Variants in AGBL1 observed in about 807,000 individuals in gnomAD.
AGBL1 encodes cytosolic carboxypeptidase 4.
Under a neutral mutation model 118.9 loss-of-function variants are expected in AGBL1, and 130 were observed. The observed-to-expected ratio is 1.09, with a 90% CI of 0.95 to 1.26. The LOEUF is 1.26. Ranked by LOEUF, AGBL1 falls within the 50% of genes most tolerant of loss-of-function variation. The probability of loss-of-function intolerance (pLI) is 0.00; values close to 1 mark genes in which losing one functional copy is unlikely to be tolerated. For synonymous variants in AGBL1, 555 were observed against 478.9 expected (o/e 1.16, Z -2.08); for missense variants, 1,584 against 1,298.1 (o/e 1.22, Z -3.38).
chr15:86,904,762 T>C (rs769695572), intron 22 of AGBL1, among the ~76,000 whole-genome samples: 1 of 150,946 alleles, frequency 6.6e-6, no homozygotes, highest in Non-Finnish European at 1.5e-5. Flanking sequence ...ATAATCCATA[T>C]ATAAAAATAT....
chr15:86,450,663 A>T (rs117378579), intron 18 of AGBL1, among the ~76,000 whole-genome samples: 2,276 of 152,270 alleles, frequency 0.015, 22 homozygotes, highest in Middle Eastern at 0.041. Flanking sequence ...AGATATTTGG[A>T]CTCAAATTCT....
chr15:86,769,599 C>T (rs986773913), intron 22 of AGBL1, among the ~76,000 whole-genome samples: 1 of 151,986 alleles, frequency 6.6e-6, no homozygotes, highest in African/African-American at 2.4e-5. Context: ...GCCTGGCCAC[C>T]TGCAGGAGAG....
At chr15:86,648,292 C>G (rs1301427427) in intron 21 of AGBL1, among the ~76,000 whole-genome samples, 1 of 152,056 alleles carries the variant, frequency 6.6e-6, no homozygotes, top group Non-Finnish European at 1.5e-5. Flanking sequence ...GTGATGACTT[C>G]CTATGTGGGG....
chr15:86,539,763 C>T (rs2083469714), intron 19 of AGBL1, among the ~76,000 whole-genome samples: 1 of 152,172 alleles, frequency 6.6e-6, no homozygotes, highest in Admixed American at 6.5e-5. Context: ...ATCCCAGAAG[C>T]ACCACATAGC....
At chr15:86,136,756 T>G (rs1453072002) in intron 1 of AGBL1, among the ~76,000 whole-genome samples, 1 of 152,112 alleles carries the variant, frequency 6.6e-6, no homozygotes, top group Non-Finnish European at 1.5e-5. Context: ...AGGGCGTCAC[T>G]TTCATACTGT....
chr15:86,306,785 G>A (rs1413609490), intron 17 of AGBL1, among the ~76,000 whole-genome samples: 1 of 152,098 alleles, frequency 6.6e-6, no homozygotes, highest in African/African-American at 2.4e-5. Flanking sequence ...TCCCACAACA[G>A]TGTGCAAGGA....
chr15:86,680,556 CTTTCT>C (rs1315289971), intron 22 of AGBL1, among the ~76,000 whole-genome samples: 19 of 122,080 alleles, frequency 1.6e-4, no homozygotes, highest in African/African-American at 5.8e-4. Flanking sequence ...TTCTTTCTTT[CTTTCT>C]TTTCTTTTTT....
intron 17 of AGBL1, among the ~76,000 whole-genome samples, chr15:86,346,281 C>T (rs1338250933): frequency 6.6e-6 from 1 of 151,512 alleles, no homozygotes; most frequent in Admixed American, 6.6e-5. Flanking sequence ...TGTGCCCAGC[C>T]CATAGCTCCT....
intron 3 of AGBL1, among the ~76,000 whole-genome samples, chr15:86,149,790 A>T (rs1211666112): frequency 6.6e-6 from 1 of 152,224 alleles, no homozygotes; most frequent in Non-Finnish European, 1.5e-5. Flanking sequence ...ATAGACATCT[A>T]CAGCACTCTC....
chr15:86,458,361 T>C (rs1350702477), intron 18 of AGBL1, among the ~76,000 whole-genome samples: 1 of 152,194 alleles, frequency 6.6e-6, no homozygotes, highest in Non-Finnish European at 1.5e-5. Flanking sequence ...TAATTTACAT[T>C]CGTGTACCAA....
chr15:86,486,356 TA>T (rs2082712996), intron 18 of AGBL1, among the ~76,000 whole-genome samples: 1 of 152,156 alleles, frequency 6.6e-6, no homozygotes. Flanking sequence ...CCTCCTCTTC[TA>T]AAATCTTTCC....
At chr15:86,631,595 C>G (rs1229388987) in intron 21 of AGBL1, among the ~76,000 whole-genome samples, 2 of 152,176 alleles carry the variant, frequency 1.3e-5, no homozygotes, top group African/African-American at 4.8e-5. Context: ...TTTTATTTAT[C>G]TCTTGCATCC....
At chr15:86,897,446 C>T (rs1214539427) in intron 22 of AGBL1, among the ~76,000 whole-genome samples, 1 of 152,062 alleles carries the variant, frequency 6.6e-6, no homozygotes, top group African/African-American at 2.4e-5. Context: ...TTTCCCATTA[C>T]ATTGATCCTT....
At position 86,190,092 on chromosome 15, in the gene AGBL1, T is replaced by C. The variant is rs182267686; in HGVS notation, c.488+31066T>C. On this transcript the variant is annotated intron_variant, in intron 5 of 22. Transcript: ENST00000614907. The stretch of plus-strand genomic sequence containing the variant: ...GTCTCAAAGGACTAAAAGAAACTTG[T>C]TTTTCATTGCATAGTGGTAATAAGA... 9.8e-4 allele frequency among the ~76,000 whole-genome samples: 150 copies of C among 152,338 alleles called. 1 individual carries two copies. Among genetic ancestry groups the C allele is most frequent in the Non-Finnish European group, 1.7e-3 (118 of 68,026 alleles).
chr15:86,355,411 C>A (rs914074742), intron 17 of AGBL1, among the ~76,000 whole-genome samples: 1 of 152,132 alleles, frequency 6.6e-6, no homozygotes, highest in African/African-American at 2.4e-5. Context: ...GGTCTGGAAG[C>A]ATGATGCATT....
intron 1 of AGBL1, among the ~76,000 whole-genome samples, chr15:86,127,673 C>G (rs1289289242): frequency 6.6e-6 from 1 of 152,240 alleles, no homozygotes; most frequent in Non-Finnish European, 1.5e-5. Context: ...TTTAACACAA[C>G]AGCTGGGCTA....
At chr15:86,113,710 C>A (rs1217909218) in intron 1 of AGBL1, among the ~76,000 whole-genome samples, 1 of 152,154 alleles carries the variant, frequency 6.6e-6, no homozygotes, top group Admixed American at 6.6e-5. Context: ...TAATGCCATG[C>A]CACACCTAAC....
intron 19 of AGBL1, among the ~76,000 whole-genome samples, chr15:86,540,627 T>C (rs567957294): frequency 2.6e-5 from 4 of 152,218 alleles, no homozygotes; most frequent in South Asian, 2.1e-4. Flanking sequence ...AAATATTGTA[T>C]TGGGAACAGT....
chr15:87,023,169 C>A lies in AGBL1; in HGVS notation c.3324-5656C>A, dbSNP rs143510975. Among the ~76,000 whole-genome samples, 29 of 152,172 alleles carry A rather than the reference C, an allele frequency of 1.9e-4. No homozygotes were observed. In the East Asian group the frequency reaches 5.2e-3, roughly 27 times the overall value. ...GAAGGTAAATTACCTAAATGTTCTA[C>A]TTAAAGATACAGAATTGCAGAATGA... On this transcript the variant is annotated intron_variant, in intron 24 of 24. Transcript: ENST00000441037.
Sources: gnomAD v4.1 joint callset for allele counts (sites outside exome capture counted in the v4.1 genomes callset) on GRCh38, gnomAD v4.1.1 for gene constraint, MANE v1.5 for transcripts, NCBI Gene and HGNC (gene_info 2026-07-23, HGNC 2026-07-21) for gene names.